The following NOL4 variants were observed in gnomAD, a reference collection of about 807,000 sequenced individuals.
NOL4 encodes the protein cancer/testis antigen 125.
A neutral mutation model predicts 75.9 loss-of-function variants in NOL4; 17 were observed. The ratio of observed to expected loss-of-function variants is 0.22; its 90% CI spans 0.15 to 0.34. NOL4 has a LOEUF of 0.34. Ranked by LOEUF, NOL4 falls within the 10% of genes least tolerant of loss-of-function variation. The probability of loss-of-function intolerance (pLI) is 1.00; values close to 1 mark genes in which losing one functional copy is unlikely to be tolerated. For missense variants in NOL4, 614 were observed against 793.5 expected (o/e 0.77, Z 2.72); for synonymous variants, 292 against 289.9 (o/e 1.01, Z -0.07).
chr18:34,087,768 C>T (rs2078310405), intron 5 of NOL4, among the ~76,000 whole-genome samples: 1 of 151,654 alleles, frequency 6.6e-6, no homozygotes, highest in South Asian at 2.1e-4. Context: ...GACTACCTAG[C>T]CTCTGAATAT....
At chr18:34,104,219 A>G in intron 3 of NOL4, 60 bp from the exon 4 acceptor site, 1 of 977,842 alleles carries the variant, frequency 1.0e-6, no homozygotes, top group Non-Finnish European at 1.6e-6. Flanking sequence ...CTGTAATTTT[A>G]AAATGATCTA....
intron 5 of NOL4, among the ~76,000 whole-genome samples, chr18:34,057,129 C>A (rs1247588056): frequency 6.6e-6 from 1 of 152,094 alleles, no homozygotes; most frequent in Non-Finnish European, 1.5e-5. Flanking sequence ...TAATATTAAT[C>A]ATCACCTTAA....
At chr18:33,880,305 CTGTGTGTGTG>C (rs61306180) in intron 10 of NOL4, among the ~76,000 whole-genome samples, 35 of 144,390 alleles carry the variant, frequency 2.4e-4, no homozygotes, top group South Asian at 4.6e-4. Flanking sequence ...CAAAAGGGGT[CTGTGTGTGTG>C]TGTGTGTGTG....
chr18:34,011,505 A>ATTTTAATTAC (rs1422177413), intron 6 of NOL4, among the ~76,000 whole-genome samples: 5 of 151,790 alleles, frequency 3.3e-5, no homozygotes, highest in Non-Finnish European at 7.4e-5. Context: ...TTTAAAATAT[A>ATTTTAATTAC]GTTCTTTCTC....
chr18:33,883,149 A>G (rs2064407484), intron 10 of NOL4, 95 bp downstream of exon 10: 1 of 849,124 alleles, frequency 1.2e-6, no homozygotes, highest in African/African-American at 1.7e-5. Flanking sequence ...TGGCACATGT[A>G]TACATATGTA....
At chr18:34,200,414 C>CAATT (rs2035650471) in intron 1 of NOL4, among the ~76,000 whole-genome samples, 1 of 151,634 alleles carries the variant, frequency 6.6e-6, no homozygotes, top group African/African-American at 2.4e-5. Flanking sequence ...TAAACTTATT[C>CAATT]AATTTAAAAA....
At chr18:34,064,374 T>C (rs943555631) in intron 5 of NOL4, among the ~76,000 whole-genome samples, 2 of 152,016 alleles carry the variant, frequency 1.3e-5, no homozygotes, top group Admixed American at 6.6e-5. Flanking sequence ...TCTGAGATTG[T>C]ATGCAGCCTC....
intron 9 of NOL4, among the ~76,000 whole-genome samples, chr18:33,908,792 C>A (rs1197675110): frequency 6.6e-6 from 1 of 152,006 alleles, no homozygotes; most frequent in Non-Finnish European, 1.5e-5. Flanking sequence ...CAAAAATAAT[C>A]TAGTGATGGA....
intron 6 of NOL4, among the ~76,000 whole-genome samples, chr18:34,008,258 C>T (rs893138134): frequency 1.3e-5 from 2 of 151,990 alleles, no homozygotes; most frequent in African/African-American, 2.4e-5. Context: ...TTACACTGGA[C>T]CTATACCAGG....
chr18:33,901,356 A>T (rs1039653937), intron 9 of NOL4, among the ~76,000 whole-genome samples: 1 of 152,166 alleles, frequency 6.6e-6, no homozygotes, highest in Non-Finnish European at 1.5e-5. Context: ...ATGAACCCTG[A>T]TGTTCACAGG....
At chr18:34,090,117 T>C (rs2078441739) in intron 5 of NOL4, among the ~76,000 whole-genome samples, 2 of 152,194 alleles carry the variant, frequency 1.3e-5, no homozygotes, top group Non-Finnish European at 2.9e-5. Context: ...AAAGAAATTT[T>C]ACAGAAGGTT....
At chr18:34,002,969 T>C (rs965049314) in intron 6 of NOL4, among the ~76,000 whole-genome samples, 26 of 152,066 alleles carry the variant, frequency 1.7e-4, no homozygotes, top group African/African-American at 5.8e-4. Context: ...ATATGAAACT[T>C]GTATGAGTAA....
intron 5 of NOL4, among the ~76,000 whole-genome samples, chr18:34,035,921 A>G (rs9952815): frequency 0.38 from 57,692 of 151,884 alleles, 11,319 homozygotes; most frequent in East Asian, 0.51. Context: ...CTAAAATTGA[A>G]TCAGAAACAA....
intron 9 of NOL4, among the ~76,000 whole-genome samples, chr18:33,923,260 T>C (rs1370533159): frequency 6.6e-6 from 1 of 152,100 alleles, no homozygotes; most frequent in Non-Finnish European, 1.5e-5. Context: ...AGAAATTCTA[T>C]AAAGTCATTA....
intron 4 of NOL4, 88 bp from the exon 5 acceptor site, chr18:34,093,685 T>C: frequency 1.0e-6 from 1 of 1,002,418 alleles, no homozygotes; most frequent in Non-Finnish European, 1.4e-6. Flanking sequence ...CAATTGAAGT[T>C]TAACCAGTAA....
At chr18:34,212,178 C>A (rs1295428712) in intron 1 of NOL4, among the ~76,000 whole-genome samples, 1 of 151,908 alleles carries the variant, frequency 6.6e-6, no homozygotes, top group African/African-American at 2.4e-5. Context: ...AAATAATGAT[C>A]AAAAATAAAA....
At chr18:34,142,650 G>A (rs1439772616) in intron 1 of NOL4, among the ~76,000 whole-genome samples, 2 of 152,122 alleles carry the variant, frequency 1.3e-5, no homozygotes, top group African/African-American at 4.8e-5. Context: ...TTGGACACAG[G>A]AAGGGGAACA....
At chr18:33,968,085 CAAAT>C (rs564622294) in intron 6 of NOL4, among the ~76,000 whole-genome samples, 6 of 151,172 alleles carry the variant, frequency 4.0e-5, no homozygotes, top group East Asian at 1.9e-4. Flanking sequence ...GACTCCATCT[CAAAT>C]AAATAAATAA....
intron 9 of NOL4, among the ~76,000 whole-genome samples, chr18:33,893,874 T>C (rs1180125520): frequency 6.6e-6 from 1 of 152,126 alleles, no homozygotes; most frequent in Non-Finnish European, 1.5e-5. Context: ...AGCCTTAAAC[T>C]GAACTTCTAA....
Sources: gnomAD v4.1 joint callset for allele counts (sites outside exome capture counted in the v4.1 genomes callset) on GRCh38, gnomAD v4.1.1 for gene constraint, MANE v1.5 for transcripts, NCBI Gene and HGNC (gene_info 2026-07-23, HGNC 2026-07-21) for gene names.